Variants in HSPG2 observed in about 807,000 individuals in gnomAD.
The protein encoded by HSPG2 is heparan sulfate proteoglycan 2, also known as basement membrane-specific heparan sulfate proteoglycan core protein.
HSPG2 carries 278 observed loss-of-function variants against 526.6 expected under a neutral mutation model. The ratio of observed to expected loss-of-function variants is 0.53; its 90% CI spans 0.48 to 0.58. The LOEUF (loss-of-function observed/expected upper bound fraction) is 0.58. Among genes scored for constraint, HSPG2 ranks in the 20% least tolerant of loss-of-function variants. The pLI, the probability that HSPG2 is intolerant of heterozygous loss-of-function variation, is 0.00. For missense variants in HSPG2, 5,354 were observed against 6,099.5 expected (o/e 0.88, Z 4.07); for synonymous variants, 2,465 against 2,555.4 (o/e 0.96, Z 1.07).
At chr1:21,853,969 T>C in intron 50 of HSPG2, 1 of 535,082 alleles carries the variant, frequency 1.9e-6, no homozygotes, top group Non-Finnish European at 3.3e-6. Context: ...TTCTGCTGCT[T>C]CCTGACAAAT....
In HSPG2 at chr1:21,841,262, G is replaced by A. The variant is rs1403679907; in HGVS notation, c.9352C>T (p.Pro3118Ser). 2 of 1,613,794 alleles carry A rather than the reference G, an allele frequency of 1.2e-6. No individual in the cohort carries two copies. Among genetic ancestry groups the A allele is most frequent in the Non-Finnish European group, 1.7e-6 (2 of 1,180,034 alleles). ...VHGPPTVSVL[P>S]EGPVWVKVGK... Reference sequence around the variant, plus strand: ...ACTTTCACCCACACGGGGCCCTCGGGGAGCACGGACACTGTAGGGGGCCCT... The same window carrying A: ...ACTTTCACCCACACGGGGCCCTCGGAGAGCACGGACACTGTAGGGGGCCCT... The change falls in exon 71 of 97, where the codon CCC (proline) becomes TCC (serine). Residue 3118 changes from proline to serine, a missense_variant. Physicochemically the swap from Pro to Ser is moderately conservative, Grantham distance 74 (BLOSUM62 -1). Coordinates refer to ENST00000374695, the MANE Select transcript of HSPG2 (RefSeq NM_005529.7).
chr1:21,929,632 T>C (rs1456768614), intron 1 of HSPG2, among the ~76,000 whole-genome samples: 1 of 150,106 alleles, frequency 6.7e-6, no homozygotes, highest in African/African-American at 2.5e-5. Flanking sequence ...CAAGAGATCG[T>C]AAGAGAAGAC....
chr1:21,849,984 A>G, intron 57 of HSPG2, 57 bp downstream of exon 57: 2 of 1,606,970 alleles, frequency 1.2e-6, no homozygotes, highest in Non-Finnish European at 1.7e-6. Flanking sequence ...GGTCAAGCCT[A>G]TGCTCTTGTA....
At position 21,824,404 on chromosome 1, in the gene HSPG2, G is replaced by A. The variant is rs1052427636; in HGVS notation, c.12745-28C>T. Reference sequence around the variant, plus strand: ...GCCAGGGAAGCACAGGGTCTCTGGGGTCCCCAGCCTGGAGAGCAGAGGCTG... The same window carrying A: ...GCCAGGGAAGCACAGGGTCTCTGGGATCCCCAGCCTGGAGAGCAGAGGCTG... On this transcript the variant is annotated intron_variant, in intron 93 of 96. Coordinates refer to ENST00000374695, the MANE Select transcript of HSPG2 (RefSeq NM_005529.7). This position sits in a 1 kb window ranked among gnomAD's most constrained non-coding sequence, Gnocchi z 5.9. The A allele has an allele frequency of 9.3e-6, 15 of 1,611,920 alleles. No individual in the cohort carries two copies. Among genetic ancestry groups the A allele is most frequent in the Non-Finnish European group, 1.3e-5 (15 of 1,178,588 alleles).
rs767957535 is a variant in HSPG2, at chr1:21,895,210, C to T, written c.244+712G>A. On this transcript the variant is annotated intron_variant, in intron 3 of 96. Transcript: ENST00000374695. The surrounding 1 kb of genome is among the most constrained non-coding windows in gnomAD (Gnocchi z 4.1). ...TCACAGATTGTCCCAGGAGCTGCCT[C>T]CCAGAGAGGGCAGTAGGAACCATAA... Among the ~76,000 whole-genome samples, 4 of 152,162 alleles carry T rather than the reference C, an allele frequency of 2.6e-5. No homozygotes were observed. The highest frequency in any genetic ancestry group is 5.9e-5 in the Non-Finnish European group (4 of 68,014).
rs1346309033 is a variant in HSPG2, at chr1:21,827,883, A to G, written c.12569T>C (p.Leu4190Pro). The G allele has an allele frequency of 1.9e-6, 3 of 1,592,462 alleles. No individual in the cohort carries two copies. The highest frequency in any genetic ancestry group is 2.6e-6 in the Non-Finnish European group (3 of 1,169,668). The change falls in exon 91 of 97, where the codon CTT (leucine) becomes CCT (proline). Residue 4190 changes from leucine (L) to proline (P), a missense_variant. Leu to Pro is a moderately conservative substitution (Grantham distance 98, BLOSUM62 -3). Transcript: ENST00000374695. ...GHGIAESDWH[L>P]EGSGGNDAPG... is the part of the protein sequence containing the mutation. ...CTCACCATTGCCCCCGCTGCCTTCA[A>G]GATGCCAGTCGGACTCTGCTATGCC...
At position 21,880,801 on chromosome 1, in the gene HSPG2, A is replaced by T. The variant is rs939588585; in HGVS notation, c.1853T>A (p.Val618Glu). 6.3e-7 allele frequency: 1 copy of T among 1,596,110 alleles called. No individual in the cohort carries two copies. Among genetic ancestry groups the T allele is most frequent in the African/African-American group, 1.3e-5 (1 of 74,614 alleles). ...DSYGGSLRYN[V>E]RYELARGMLE... is the part of the protein sequence containing the mutation. ...CATGCCACGGGCCAACTCGTAGCGC[A>T]CGTTGTAACGCAGGGAGCCGCCATA... The change falls in exon 15 of 97, where the codon GTG becomes GAG. Residue 618 changes from valine (V) to glutamate (E), a missense_variant. Physicochemically the swap from Val to Glu is moderately radical, Grantham distance 121. Coordinates refer to ENST00000374695, the MANE Select transcript of HSPG2 (RefSeq NM_005529.7).
chr1:21,936,377 G>A (rs35901947), intron 1 of HSPG2, among the ~76,000 whole-genome samples: 1,691 of 152,348 alleles, frequency 0.011, 21 homozygotes, highest in South Asian at 0.025. Flanking sequence ...GGAGACCTGG[G>A]AAGAGGAAAG....
intron 6 of HSPG2, chr1:21,888,742 G>C (rs768191949): frequency 7.4e-7 from 1 of 1,359,628 alleles, no homozygotes; most frequent in East Asian, 4.6e-5. Flanking sequence ...TGTGATCAGT[G>C]GCTGTTCCAC....
intron 13 of HSPG2, among the ~76,000 whole-genome samples, chr1:21,884,164 G>A (rs1460702223): frequency 6.6e-6 from 1 of 152,038 alleles, no homozygotes; most frequent in Non-Finnish European, 1.5e-5. Context: ...CCAACCCCTA[G>A]GAGGTAGTTA....
intron 1 of HSPG2, chr1:21,908,496 TC>T: frequency 1.1e-6 from 1 of 910,098 alleles, no homozygotes; most frequent in Non-Finnish European, 1.8e-6. Context: ...GCCAGCCTGC[TC>T]CACCCAGCAA....
At position 21,865,023 on chromosome 1, in the gene HSPG2, C is replaced by T; in HGVS notation, c.4446G>A (p.Leu1482=). The change falls in exon 36 of 97, where the codon CTG becomes CTA. Residue 1482 remains leucine (L), a synonymous_variant. Transcript: ENST00000374695. This position sits in a 1 kb window ranked among gnomAD's most constrained non-coding sequence, Gnocchi z 5.4. The part of the protein sequence containing the change: ...DGQPATREHL[L]MALADLDELL... ...GCTCATCCAGGTCGGCCAGTGCCAT[C>T]AGGAGGTGCTCGCGTGTGGCCGGCT... 1 of 1,576,904 alleles carries T rather than the reference C, an allele frequency of 6.3e-7. No individual in the cohort carries two copies. The highest frequency in any genetic ancestry group is 8.6e-7 in the Non-Finnish European group (1 of 1,163,876).
chr1:21,863,960 C>G, intron 37 of HSPG2, 140 bp downstream of exon 37: 2 of 707,382 alleles, frequency 2.8e-6, no homozygotes. Flanking sequence ...GTGACCTGGC[C>G]TGCTGACCCA....
chr1:21,829,944 C>A, intron 86 of HSPG2, 49 bp downstream of exon 86: 1 of 1,485,718 alleles, frequency 6.7e-7, no homozygotes, highest in Non-Finnish European at 9.2e-7. Context: ...CACCCAGCCT[C>A]CCCAGCTGAC....
intron 33 of HSPG2, chr1:21,870,377 G>T: frequency 1.2e-6 from 1 of 806,058 alleles, no homozygotes; most frequent in Non-Finnish European, 1.5e-6. Context: ...AGAGCCATGG[G>T]CAGGGTCCTC....
intron 1 of HSPG2, among the ~76,000 whole-genome samples, 198 bp from the exon 2 acceptor site, chr1:21,896,508 G>T (rs1642757331): frequency 6.6e-6 from 1 of 152,160 alleles, no homozygotes; most frequent in African/African-American, 2.4e-5. Flanking sequence ...TTAGCCCCTG[G>T]AGGCTTCAGA....
Position 21,904,148 on chromosome 1 carries a change from C to T in HSPG2, c.64-7838G>A, listed in dbSNP as rs1419540334. ...GGAACCACGTGCTGGCAACACCGTGCGAAGAGAGTGCTGAAGGGGAAGGAA... is the reference window on the plus strand; with the variant it reads ...GGAACCACGTGCTGGCAACACCGTGTGAAGAGAGTGCTGAAGGGGAAGGAA... On this transcript the variant is annotated intron_variant, in intron 1 of 96. Coordinates refer to ENST00000374695, the MANE Select transcript of HSPG2 (RefSeq NM_005529.7). This position sits in a 1 kb window ranked among gnomAD's most constrained non-coding sequence, Gnocchi z 4.4. 6.6e-6 allele frequency among the ~76,000 whole-genome samples: 1 copy of T among 151,972 alleles called. No homozygotes were observed. Among genetic ancestry groups the T allele is most frequent in the Non-Finnish European group, 1.5e-5 (1 of 67,978 alleles).
chr1:21,840,874 C>A (rs982117241), intron 71 of HSPG2, among the ~76,000 whole-genome samples: 6 of 152,170 alleles, frequency 3.9e-5, no homozygotes, highest in African/African-American at 1.4e-4. Flanking sequence ...ATCCACTTGG[C>A]CTTCGACCCA....
rs534008389 is a variant in HSPG2 at position 21,886,454 on chromosome 1, C to T, written c.1078+761G>A. On this transcript the variant is annotated intron_variant, in intron 9 of 96. Transcript: ENST00000374695. ...CAAGCTCACAGCAGGAACATGGACA[C>T]GCGCCCAGACACACCACCCAGGACC... Among the ~76,000 whole-genome samples the T allele has an allele frequency of 5.9e-5, 9 of 152,266 alleles. No individual in the cohort carries two copies. The South Asian group carries it at 6.2e-4, about 11-fold the overall frequency.
Sources: gnomAD v4.1 joint callset for allele counts (sites outside exome capture counted in the v4.1 genomes callset) on GRCh38, gnomAD v4.1.1 for gene constraint, Gnocchi (gnomAD v3.1) non-coding constraint, MANE v1.5 for transcripts, NCBI Gene and HGNC (gene_info 2026-07-23, HGNC 2026-07-21) for gene names.